Variants in PCCA observed in about 807,000 individuals in gnomAD.
PCCA encodes the protein propionyl-CoA carboxylase alpha chain, mitochondrial.
PCCA carries 74 observed loss-of-function variants against 101.3 expected under a neutral mutation model. The ratio of observed to expected loss-of-function variants is 0.73; its 90% CI spans 0.61 to 0.89. The LOEUF is 0.89. PCCA is among the 40% of genes least tolerant of loss of function. The pLI is 0.00. For synonymous variants in PCCA, 294 were observed against 313.6 expected (o/e 0.94, Z 0.66); for missense variants, 891 against 907.0 (o/e 0.98, Z 0.23).
chr13:100,104,475 C>T (rs1245913830), intron 2 of PCCA: 1 of 152,122 alleles, frequency 6.6e-6, no homozygotes, highest in African/African-American at 2.4e-5. Context: ...ATCTTAAGAT[C>T]TTACAAGTGT....
chr13:100,500,590 C>CTCCCAGAGGT (rs1261692370), intron 21 of PCCA, among the ~76,000 whole-genome samples: 2 of 152,200 alleles, frequency 1.3e-5, no homozygotes, highest in Non-Finnish European at 2.9e-5. Context: ...GAGAACCTCT[C>CTCCCAGAGGT]TCCCAGAAGA....
At chr13:100,462,446 G>A (rs1160739768) in intron 21 of PCCA, among the ~76,000 whole-genome samples, 1 of 152,100 alleles carries the variant, frequency 6.6e-6, no homozygotes, top group Non-Finnish European at 1.5e-5. Flanking sequence ...ACACTGGCTG[G>A]TGAAGACAGA....
At chr13:100,118,919 T>C (rs1384307277) in intron 4 of PCCA, among the ~76,000 whole-genome samples, 1 of 152,216 alleles carries the variant, frequency 6.6e-6, no homozygotes, top group Non-Finnish European at 1.5e-5. Flanking sequence ...TCTGTTGTTA[T>C]GCTAAGTATG....
chr13:100,214,581 C>T (rs940655234), intron 7 of PCCA, among the ~76,000 whole-genome samples: 2 of 151,874 alleles, frequency 1.3e-5, no homozygotes, highest in African/African-American at 2.4e-5. Flanking sequence ...TGCACCACCA[C>T]GCCCAACTAA....
intron 4 of PCCA, among the ~76,000 whole-genome samples, chr13:100,140,464 A>T (rs2051737821): frequency 6.6e-6 from 1 of 152,184 alleles, no homozygotes; most frequent in African/African-American, 2.4e-5. Flanking sequence ...TGTTGTAAGT[A>T]TCAGGAGCTC....
chr13:100,416,929 T>C (rs557874191), intron 19 of PCCA, among the ~76,000 whole-genome samples: 4 of 152,258 alleles, frequency 2.6e-5, no homozygotes, highest in African/African-American at 4.8e-5. Flanking sequence ...CTGCAACCTC[T>C]GCCTCCCAGG....
chr13:100,442,505 A>G (rs1363547846), intron 20 of PCCA, among the ~76,000 whole-genome samples: 1 of 152,174 alleles, frequency 6.6e-6, no homozygotes, highest in Admixed American at 6.5e-5. Context: ...AATTACTTCT[A>G]TTTGCCTGGG....
chr13:100,349,251 G>A (rs1463964121), intron 18 of PCCA, among the ~76,000 whole-genome samples: 29 of 152,144 alleles, frequency 1.9e-4, no homozygotes, highest in Admixed American at 1.9e-3. Context: ...AGCCTCCCAA[G>A]TAGCTGGGAT....
chr13:100,491,600 G>A (rs768291645), intron 21 of PCCA: 4 of 1,217,060 alleles, frequency 3.3e-6, no homozygotes, highest in African/African-American at 3.1e-5. Flanking sequence ...AGGTTAACTC[G>A]GTTGTGAAAT....
At chr13:100,110,867 G>A (rs1413594820) in intron 2 of PCCA, among the ~76,000 whole-genome samples, 2 of 152,030 alleles carry the variant, frequency 1.3e-5, no homozygotes, top group Non-Finnish European at 2.9e-5. Context: ...GAGTGCAGTG[G>A]CACGATTTTA....
intron 12 of PCCA, among the ~76,000 whole-genome samples, chr13:100,292,533 T>C (rs951177543): frequency 2.0e-5 from 3 of 152,218 alleles, no homozygotes; most frequent in Non-Finnish European, 4.4e-5. Context: ...GAGTATCTTA[T>C]CCATAACATT....
In PCCA at chr13:100,248,756, T is replaced by G. The variant is rs1437990842; in HGVS notation, c.638-8839T>G. ...AGTCTAGAACTTATGTCTTTATTCT[T>G]TTTTTTTGAGATGGAGTCTCACTCT... On this transcript the variant is annotated intron_variant, in intron 8 of 23. Coordinates refer to ENST00000376285, the MANE Select transcript of PCCA (RefSeq NM_000282.4). Among the ~76,000 whole-genome samples, 3 of 151,924 alleles carry G rather than the reference T, an allele frequency of 2.0e-5. No individual in the cohort carries two copies. In the East Asian group the frequency reaches 5.8e-4, roughly 29 times the overall value.
At chr13:100,424,512 A>T (rs2079017342) in intron 19 of PCCA, among the ~76,000 whole-genome samples, 1 of 152,082 alleles carries the variant, frequency 6.6e-6, no homozygotes, top group Non-Finnish European at 1.5e-5. Flanking sequence ...TGTTGCTGCC[A>T]CGCCATATTC....
At chr13:100,115,052 A>G (rs1398383849) in intron 4 of PCCA, among the ~76,000 whole-genome samples, 1 of 152,236 alleles carries the variant, frequency 6.6e-6, no homozygotes, top group East Asian at 1.9e-4. Context: ...AGATGAATGG[A>G]TAAAGAAAAT....
At chr13:100,196,097 TA>T (rs2152456371) in intron 6 of PCCA, among the ~76,000 whole-genome samples, 1 of 152,270 alleles carries the variant, frequency 6.6e-6, no homozygotes, top group Admixed American at 6.5e-5. Context: ...TTTTTTAAAA[TA>T]AAAAGTTTCC....
chr13:100,319,799 G>A lies in PCCA; in HGVS notation c.1429+9891G>A, dbSNP rs778574399. Among the ~76,000 whole-genome samples the A allele has an allele frequency of 4.6e-5, 7 of 152,164 alleles. No individual in the cohort carries two copies. The South Asian group carries it at 1.2e-3, about 27-fold the overall frequency. On this transcript the variant is annotated intron_variant, in intron 16 of 23. Transcript: ENST00000376285. ...CCTCCAGGTTTGTTCTTTTGGCTTA[G>A]GATTGTCTTGGCAATGTGGGCTCTT...
chr13:100,310,100 A>G (rs571242855), intron 16 of PCCA, among the ~76,000 whole-genome samples, 192 bp downstream of exon 16: 7 of 152,226 alleles, frequency 4.6e-5, no homozygotes, highest in Admixed American at 4.6e-4. Context: ...AAGCAAATGC[A>G]TATTTTCTCT....
chr13:100,482,926 A>G (rs1282097204), intron 21 of PCCA, among the ~76,000 whole-genome samples: 2 of 152,340 alleles, frequency 1.3e-5, no homozygotes, highest in South Asian at 2.1e-4. Flanking sequence ...GGTGCATACT[A>G]TTTTTAAAGC....
At chr13:100,125,135 T>TGTGTGTGTGTG (rs2049825231) in intron 4 of PCCA, among the ~76,000 whole-genome samples, 4 of 149,126 alleles carry the variant, frequency 2.7e-5, no homozygotes, top group African/African-American at 9.9e-5. Flanking sequence ...GACCTTTTAT[T>TGTGTGTGTGTG]TGTGTGTGTG....
Sources: gnomAD v4.1 joint callset for allele counts (sites outside exome capture counted in the v4.1 genomes callset) on GRCh38, gnomAD v4.1.1 for gene constraint, MANE v1.5 for transcripts, NCBI Gene and HGNC (gene_info 2026-07-23, HGNC 2026-07-21) for gene names.